The following PRKCB variants were observed in gnomAD, a reference collection of about 807,000 sequenced individuals.
The protein encoded by PRKCB is protein kinase C beta.
PRKCB carries 13 observed loss-of-function variants against 81.5 expected under a neutral mutation model. The observed-to-expected ratio is 0.16, with a 90% CI of 0.10 to 0.25. PRKCB has a LOEUF of 0.25. Ranked by LOEUF, PRKCB falls within the 10% of genes least tolerant of loss-of-function variation. The pLI is 1.00. For missense variants in PRKCB, 509 were observed against 875.7 expected (o/e 0.58, Z 5.29); for synonymous variants, 335 against 321.4 (o/e 1.04, Z -0.45).
chr16:24,019,298 C>T (rs1237893923), intron 3 of PRKCB, among the ~76,000 whole-genome samples: 1 of 151,662 alleles, frequency 6.6e-6, no homozygotes, highest in Non-Finnish European at 1.5e-5. Context: ...GAACTATGAT[C>T]TCGCCACTGT....
intron 2 of PRKCB, among the ~76,000 whole-genome samples, chr16:23,864,829 G>A (rs962584272): frequency 6.6e-6 from 1 of 152,002 alleles, no homozygotes; most frequent in Non-Finnish European, 1.5e-5. Flanking sequence ...TATTGGTCGC[G>A]CCACTCACAT....
intron 3 of PRKCB, among the ~76,000 whole-genome samples, chr16:24,025,940 G>A (rs1965473612): frequency 6.6e-6 from 1 of 152,130 alleles, no homozygotes; most frequent in Admixed American, 6.5e-5. Context: ...CCTTCTGCAT[G>A]GCATGTCATA....
intron 12 of PRKCB, among the ~76,000 whole-genome samples, chr16:24,175,681 G>A (rs1270459366): frequency 6.6e-6 from 1 of 151,698 alleles, no homozygotes; most frequent in Non-Finnish European, 1.5e-5. Flanking sequence ...GGATTAAAAG[G>A]CATGAGGGGG....
intron 9 of PRKCB, among the ~76,000 whole-genome samples, chr16:24,144,185 AAAAAG>A (rs1384529074): frequency 2.3e-4 from 35 of 152,312 alleles, no homozygotes; most frequent in Admixed American, 2.1e-3. Context: ...GGGAGAGAAA[AAAAAG>A]AAAAGAGAAC....
intron 10 of PRKCB, among the ~76,000 whole-genome samples, chr16:24,171,285 G>C (rs996550027): frequency 2.0e-5 from 3 of 152,180 alleles, no homozygotes; most frequent in Admixed American, 6.5e-5. Context: ...AGTTGGTGCT[G>C]GCTGCTGGCA....
At chr16:23,860,863 G>A (rs1290762189) in intron 2 of PRKCB, among the ~76,000 whole-genome samples, 4 of 152,112 alleles carry the variant, frequency 2.6e-5, no homozygotes, top group South Asian at 2.1e-4. Flanking sequence ...CCAAGATCGC[G>A]CTACTGTACT....
chr16:24,016,598 GA>G (rs1192873833), intron 3 of PRKCB, among the ~76,000 whole-genome samples: 1 of 152,014 alleles, frequency 6.6e-6, no homozygotes, highest in Non-Finnish European at 1.5e-5. Flanking sequence ...AAATAAATTT[GA>G]AAAAATCCCA....
chr16:24,074,758 G>A (rs1227587442), intron 5 of PRKCB, among the ~76,000 whole-genome samples: 2 of 152,184 alleles, frequency 1.3e-5, no homozygotes, highest in African/African-American at 4.8e-5. Flanking sequence ...AAATCTGTAA[G>A]GAGGCTGATG....
At chr16:24,048,084 G>A (rs1368187364) in intron 5 of PRKCB, among the ~76,000 whole-genome samples, 2 of 152,230 alleles carry the variant, frequency 1.3e-5, no homozygotes, top group African/African-American at 4.8e-5. Flanking sequence ...CAGCTCCTGA[G>A]CAGCCTCGCT....
At chr16:23,986,429 T>A (rs992151069) in intron 2 of PRKCB, among the ~76,000 whole-genome samples, 1 of 151,942 alleles carries the variant, frequency 6.6e-6, no homozygotes, top group African/African-American at 2.4e-5. Context: ...ATCTTTTATT[T>A]TTTGTAGAGA....
rs60396291 is a variant in PRKCB, at chr16:24,183,088, C to T, written c.1534-2023C>T. ...TGTTAGCCAGGATGGTCGCGATCTC[C>T]TGACCTCGTGATCCGCCCGCCTCGG... On this transcript the variant is annotated intron_variant, in intron 13 of 16. Coordinates refer to ENST00000643927, the MANE Select transcript of PRKCB (RefSeq NM_002738.7). Among the ~76,000 whole-genome samples the T allele has an allele frequency of 6.4e-3, 970 of 152,154 alleles. 17 individuals carry two copies. The highest frequency in any genetic ancestry group is 0.022 in the African/African-American group (916 of 41,474).
At chr16:24,097,272 G>C (rs1966458134) in intron 7 of PRKCB, among the ~76,000 whole-genome samples, 1 of 151,966 alleles carries the variant, frequency 6.6e-6, no homozygotes, top group South Asian at 2.1e-4. Flanking sequence ...TCCTGACCTT[G>C]TGATCTGCCT....
chr16:23,941,477 T>A (rs1596481285), intron 2 of PRKCB, among the ~76,000 whole-genome samples: 1 of 152,192 alleles, frequency 6.6e-6, no homozygotes, highest in African/African-American at 2.4e-5. Context: ...TGGTCTAATT[T>A]CACTTATAAA....
At chr16:24,054,638 A>G (rs1350029377) in intron 5 of PRKCB, among the ~76,000 whole-genome samples, 1 of 152,224 alleles carries the variant, frequency 6.6e-6, no homozygotes, top group Non-Finnish European at 1.5e-5. Flanking sequence ...GTGTGTATCA[A>G]TCAAACAAAA....
intron 2 of PRKCB, among the ~76,000 whole-genome samples, chr16:23,909,504 C>T (rs1488984117): frequency 6.6e-6 from 1 of 152,104 alleles, no homozygotes; most frequent in East Asian, 1.9e-4. Flanking sequence ...AGTTCAAGTG[C>T]AGTTTTATTA....
At position 24,189,641 on chromosome 16, in the gene PRKCB, C is replaced by CAA. The variant is rs10605364; in HGVS notation, c.1723-1429_1723-1428dup. ...TGGGTGACAGAGTGAGACTCCGTCT[C>CAA]AAAAAAAAAAAAAAAAAAAAAGAAG... On this transcript the variant is annotated intron_variant, in intron 15 of 16. Coordinates refer to ENST00000643927, the MANE Select transcript of PRKCB (RefSeq NM_002738.7). Among the ~76,000 whole-genome samples the CAA allele has an allele frequency of 1.1e-3, 88 of 83,168 alleles. 1 individual carries two copies. Among genetic ancestry groups the CAA allele is most frequent in the Non-Finnish European group, 1.4e-3 (57 of 40,782 alleles). The allele number at this position is 83,168 out of a possible 152,430, so 54.6% of individuals were successfully genotyped here. A position where few individuals can be genotyped will look rare whatever the true frequency, so the allele number is the denominator to read the frequency against.
intron 16 of PRKCB, among the ~76,000 whole-genome samples, chr16:24,211,614 A>G (rs986193153): frequency 6.8e-6 from 1 of 147,064 alleles, no homozygotes. Flanking sequence ...GCTGGAGTGC[A>G]ATGGTGCCAT....
chr16:24,099,196 C>T (rs1182548742), intron 7 of PRKCB: 1 of 152,176 alleles, frequency 6.6e-6, no homozygotes, highest in Non-Finnish European at 1.5e-5. Context: ...TTACACAGCA[C>T]TGATCAGGTG....
At chr16:24,192,008 A>G (rs1225379650) in intron 16 of PRKCB, among the ~76,000 whole-genome samples, 1 of 152,238 alleles carries the variant, frequency 6.6e-6, no homozygotes, top group Non-Finnish European at 1.5e-5. Context: ...TAGAGGGCAG[A>G]CTTGGTGACT....
Sources: gnomAD v4.1 joint callset for allele counts (sites outside exome capture counted in the v4.1 genomes callset) on GRCh38, gnomAD v4.1.1 for gene constraint, MANE v1.5 for transcripts, NCBI Gene and HGNC (gene_info 2026-07-23, HGNC 2026-07-21) for gene names.